The following ACTN4 variants were observed in gnomAD, a reference collection of about 807,000 sequenced individuals.
The protein encoded by ACTN4 is actinin alpha 4, also known as alpha-actinin-4.
ACTN4 carries 18 observed loss-of-function variants against 114.2 expected under a neutral mutation model. The ratio of observed to expected loss-of-function variants is 0.16; its 90% confidence interval spans 0.11 to 0.23. ACTN4 has a LOEUF of 0.23. ACTN4 is among the 10% of genes least tolerant of loss of function. The probability of loss-of-function intolerance (pLI) is 1.00; values close to 1 mark genes in which losing one functional copy is unlikely to be tolerated. For missense variants in ACTN4, 722 were observed against 1,262.9 expected (o/e 0.57, Z 6.49); for synonymous variants, 515 against 506.3 (o/e 1.02, Z -0.23).
At chr19:38,714,357 C>A in intron 8 of ACTN4, 112 bp from the exon 9 acceptor site, 1 of 940,064 alleles carries the variant, frequency 1.1e-6, no homozygotes, top group Non-Finnish European at 1.7e-6. Context: ...TCCTCTCCTT[C>A]CCCTCTGTGA....
Position 38,724,634 on chromosome 19 carries a change from G to A in ACTN4, c.2010+69G>A, listed in dbSNP as rs889173359. 24 of 1,606,474 alleles carry A rather than the reference G, an allele frequency of 1.5e-5. No individual in the cohort carries two copies. Among genetic ancestry groups the A allele is most frequent in the Admixed American group, 8.3e-5 (5 of 59,998 alleles). On this transcript the variant is annotated intron_variant, in intron 16 of 20. Coordinates refer to ENST00000252699, the MANE Select transcript of ACTN4 (RefSeq NM_004924.6). This position sits in a 1 kb window ranked among gnomAD's most constrained non-coding sequence, Gnocchi z 7.0. Reference sequence around the variant, plus strand: ...GAGCTCCCGTAGTGAGGGGGTCCCCGGCCAGCCCAGGGCCTGCAGACTGAG... The same window carrying A: ...GAGCTCCCGTAGTGAGGGGGTCCCCAGCCAGCCCAGGGCCTGCAGACTGAG...
rs1004686336 is a variant in ACTN4 at position 38,710,283 on chromosome 19, G to A, written c.760G>A (p.Glu254Lys). The change falls in exon 8 of 21, where the codon GAG (glutamate) becomes AAG (lysine). Residue 254 changes from glutamate (E) to lysine (K), a missense_variant. Around this residue, in one of 3 missense-constraint regions of ACTN4, gnomAD observed 127 missense variants for 311.3 expected, o/e 0.41. Transcript: ENST00000252699. ...CATCGTGAACACGGCCCGGCCCGAC[G>A]AGAAGGCCATAATGACCTATGTGTC... Reference protein sequence around the residue: ...EDIVNTARPDEKAIMTYVSSF... With the variant: ...EDIVNTARPDKKAIMTYVSSF... 6 of 1,613,950 alleles carry A rather than the reference G, an allele frequency of 3.7e-6. No homozygotes were observed. Among genetic ancestry groups the A allele is most frequent in the African/African-American group, 1.3e-5 (1 of 74,914 alleles).
At chr19:38,709,342 T>TCCTGCA (rs1273156795) in intron 6 of ACTN4, 53 bp from the exon 7 acceptor site, 2 of 1,396,558 alleles carry the variant, frequency 1.4e-6, no homozygotes, top group East Asian at 4.6e-5. Flanking sequence ...TCCCTCCTGC[T>TCCTGCA]CCTGCACCCT....
intron 1 of ACTN4, among the ~76,000 whole-genome samples, chr19:38,657,510 C>A (rs1394346832): frequency 1.3e-5 from 2 of 152,102 alleles, no homozygotes. Flanking sequence ...TGCAAAAAGC[C>A]CAAGATAAAG....
At chr19:38,656,364 G>A (rs995723030) in intron 1 of ACTN4, among the ~76,000 whole-genome samples, 1 of 152,172 alleles carries the variant, frequency 6.6e-6, no homozygotes, top group Non-Finnish European at 1.5e-5. Context: ...ACAGGTGTGA[G>A]TCACCACGCC....
chr19:38,654,053 T>C (rs1299985644), intron 1 of ACTN4, among the ~76,000 whole-genome samples: 2 of 152,234 alleles, frequency 1.3e-5, no homozygotes, highest in Non-Finnish European at 2.9e-5. Context: ...CAGAATTTGT[T>C]ATAAAGTGTC....
chr19:38,673,629 A>ATTTATATT (rs1967246828), intron 1 of ACTN4, among the ~76,000 whole-genome samples: 1 of 50,280 alleles, frequency 2.0e-5, no homozygotes, highest in Admixed American at 2.7e-4. Context: ...ATATATATTC[A>ATTTATATT]TATATATTTA....
At chr19:38,650,268 G>C (rs575584536) in intron 1 of ACTN4, among the ~76,000 whole-genome samples, 1 of 152,050 alleles carries the variant, frequency 6.6e-6, no homozygotes, top group South Asian at 2.1e-4. Context: ...TTTGCGAGCC[G>C]GGTTTCACTC....
In ACTN4 at chr19:38,689,917, G is replaced by A. The variant is rs184235239; in HGVS notation, c.163-10683G>A. On this transcript the variant is annotated intron_variant, in intron 1 of 20. Transcript: ENST00000252699. ...CAGGACTAGCTGGATTTCCTAGGCC[G>A]ACTAAGAATTGCTAAGCCTAGCTGG... Among the ~76,000 whole-genome samples the A allele has an allele frequency of 5.3e-4, 81 of 152,208 alleles. No homozygotes were observed. The East Asian group carries it at 8.5e-3, about 16-fold the overall frequency.
In ACTN4 at chr19:38,647,679, G is replaced by C; in HGVS notation, c.-67G>C. 2 of 1,490,938 alleles carry C rather than the reference G, an allele frequency of 1.3e-6. No individual in the cohort carries two copies. The highest frequency in any genetic ancestry group is 2.6e-5 in the South Asian group (2 of 78,242). 92.4% of individuals were successfully genotyped at this position (1,490,938 alleles called of 1,614,324 possible). On this transcript the variant is annotated 5_prime_UTR_variant, in exon 1 of 21. Transcript: ENST00000252699. ...AGCTGAAGCGGCGGTAGCGGCGGCGGCTCGGGCAGAGGGGCGGGAGCTGAG... is the reference window on the plus strand; with the variant it reads ...AGCTGAAGCGGCGGTAGCGGCGGCGCCTCGGGCAGAGGGGCGGGAGCTGAG...
chr19:38,685,791 G>T (rs1967723021), intron 1 of ACTN4, among the ~76,000 whole-genome samples: 1 of 152,064 alleles, frequency 6.6e-6, no homozygotes, highest in South Asian at 2.1e-4. Flanking sequence ...GAATAGGATG[G>T]CCCTGACTTG....
intron 1 of ACTN4, among the ~76,000 whole-genome samples, chr19:38,649,688 C>T (rs1308826827): frequency 6.6e-6 from 1 of 151,616 alleles, no homozygotes; most frequent in Non-Finnish European, 1.5e-5. Context: ...TGAGTGGTGA[C>T]CTGGCAGAGT....
chr19:38,717,829 C>A lies in ACTN4; in HGVS notation c.1144-98C>A, dbSNP rs1006148354. 2.7e-6 allele frequency: 4 copies of A among 1,503,878 alleles called. No homozygotes were observed. The highest frequency in any genetic ancestry group is 3.6e-6 in the Non-Finnish European group (4 of 1,108,638). The allele number at this position is 1,503,878 out of a possible 1,614,324, so 93.2% of individuals were successfully genotyped here. A position where few individuals can be genotyped will look rare whatever the true frequency, so the allele number is the denominator to read the frequency against. ...AAGCATGACACAGACATGACCCCAG[C>A]CAAGTTCTGCCACCTTCCCATCAGC... On this transcript the variant is annotated intron_variant, in intron 10 of 20. Transcript: ENST00000252699. The surrounding 1 kb of genome is among the most constrained non-coding windows in gnomAD (Gnocchi z 4.0).
chr19:38,659,340 A>C (rs1976810147), intron 1 of ACTN4, among the ~76,000 whole-genome samples: 3 of 151,994 alleles, frequency 2.0e-5, no homozygotes, highest in Admixed American at 2.0e-4. Flanking sequence ...TACAGGTATG[A>C]GCCACCGCGC....
At position 38,721,708 on chromosome 19, in the gene ACTN4, A is replaced by C; in HGVS notation, c.1442+20A>C. The C allele has an allele frequency of 3.7e-6, 6 of 1,610,120 alleles. No individual in the cohort carries two copies. Among genetic ancestry groups the C allele is most frequent in the Non-Finnish European group, 5.1e-6 (6 of 1,179,976 alleles). On this transcript the variant is annotated intron_variant, in intron 12 of 20. Coordinates refer to ENST00000252699, the MANE Select transcript of ACTN4 (RefSeq NM_004924.6). ...GCTCAAGTACGTGCGGGCTCAGGAC[A>C]CTATCATCACCTGGCTCTCACCACA...
intron 1 of ACTN4, among the ~76,000 whole-genome samples, chr19:38,656,734 C>A (rs1348596798): frequency 6.6e-6 from 1 of 152,178 alleles, no homozygotes; most frequent in Non-Finnish European, 1.5e-5. Context: ...CAGCTTCAGG[C>A]AGGAATAAAG....
intron 1 of ACTN4, among the ~76,000 whole-genome samples, chr19:38,666,063 C>T (rs1599770339): frequency 6.6e-6 from 1 of 152,124 alleles, no homozygotes; most frequent in Non-Finnish European, 1.5e-5. Flanking sequence ...CGACCTGGAA[C>T]GTGGGACTTT....
intron 1 of ACTN4, among the ~76,000 whole-genome samples, chr19:38,673,709 T>TCTTA (rs1568690888): frequency 4.6e-5 from 4 of 86,968 alleles, no homozygotes; most frequent in East Asian, 5.5e-4. Context: ...ATTTATATAT[T>TCTTA]TATATATTTA....
At chr19:38,705,964 C>T (rs758394016) in intron 4 of ACTN4, 80 bp from the exon 5 acceptor site, 3 of 1,468,946 alleles carry the variant, frequency 2.0e-6, no homozygotes, top group East Asian at 4.5e-5. Context: ...CAGGCCTGAG[C>T]CGAAAGTCCC....
Sources: allele counts gnomAD v4.1 joint callset (sites outside exome capture counted in the v4.1 genomes callset), GRCh38; gene constraint gnomAD v4.1.1; regional missense constraint gnomAD v4.1.1; non-coding constraint Gnocchi (gnomAD v3.1); transcripts MANE v1.5; gene names NCBI Gene and HGNC (gene_info 2026-07-23, HGNC 2026-07-21).